The following MTNAP1 variants were observed in gnomAD, a reference collection of about 807,000 sequenced individuals.
MTNAP1 encodes the protein mitochondrial nucleoid-associated protein 1.
At chr17:73,243,086 T>TTTG in the MTNAP1 span, 3 of 987,740 alleles carry the variant, frequency 3.0e-6, no homozygotes, top group Non-Finnish European at 3.0e-6. Flanking sequence ...AATTTTTTTT[T>TTTG]TTTTTTTTTT....
chr17:73,243,144 G>A, the MTNAP1 span: 1 of 717,454 alleles, frequency 1.4e-6, no homozygotes, highest in South Asian at 1.5e-5. Context: ...ATGAGCTATT[G>A]CCTGGGGTTT....
the MTNAP1 span, chr17:73,247,383 A>G: frequency 6.3e-7 from 1 of 1,598,380 alleles, no homozygotes; most frequent in East Asian, 2.2e-5. Flanking sequence ...ACTTCTCTCT[A>G]GTGCCTTCGT....
At chr17:73,242,272 T>C in the MTNAP1 span, 1 of 1,603,416 alleles carries the variant, frequency 6.2e-7, no homozygotes, top group Admixed American at 1.8e-5. Flanking sequence ...GCTCAACTCA[T>C]ATAAGGAGTT....
the MTNAP1 span, chr17:73,243,220 T>C: frequency 3.1e-5 from 17 of 544,040 alleles, no homozygotes; most frequent in East Asian, 6.5e-4. Context: ...AATGGCACGA[T>C]CTCAGCTCAC....
At chr17:73,242,125 A>C in the MTNAP1 span, 1 of 568,972 alleles carries the variant, frequency 1.8e-6, no homozygotes, top group Non-Finnish European at 3.1e-6. Flanking sequence ...GAAATCTTTA[A>C]TGCACCTGTT....
chr17:73,239,317 G>C, the MTNAP1 span, among the ~76,000 whole-genome samples: 9 of 152,068 alleles, frequency 5.9e-5, no homozygotes, highest in Non-Finnish European at 1.0e-4. Context: ...TGTATTTTCT[G>C]TACTACATTT....
chr17:73,242,386 A>C, the MTNAP1 span: 6 of 1,403,590 alleles, frequency 4.3e-6, no homozygotes, highest in Non-Finnish European at 5.8e-6. Context: ...CTTCTGTTGC[A>C]GGTTCTGGGC....
the MTNAP1 span, chr17:73,248,498 A>C: frequency 3.2e-6 from 5 of 1,551,530 alleles, no homozygotes; most frequent in Non-Finnish European, 4.4e-6. Context: ...CAACGCTTAG[A>C]TCTTGCTTCC....
At chr17:73,241,877 C>T in the MTNAP1 span, among the ~76,000 whole-genome samples, 2 of 151,996 alleles carry the variant, frequency 1.3e-5, no homozygotes, top group South Asian at 4.2e-4. Context: ...TGCAGTGAGC[C>T]AAGATCATGC....
At chr17:73,241,333 G>GT in the MTNAP1 span, among the ~76,000 whole-genome samples, 1 of 151,422 alleles carries the variant, frequency 6.6e-6, no homozygotes, top group Non-Finnish European at 1.5e-5. Flanking sequence ...AATTTTTTCT[G>GT]TTTTTTAGTA....
At chr17:73,247,866 T>A in the MTNAP1 span, 1 of 155,338 alleles carries the variant, frequency 6.4e-6, no homozygotes, top group African/African-American at 2.4e-5. Context: ...CTCCACATTC[T>A]GGGATGACTT....
At chr17:73,238,939 T>TC in the MTNAP1 span, among the ~76,000 whole-genome samples, 1 of 120,812 alleles carries the variant, frequency 8.3e-6, no homozygotes, top group African/African-American at 3.1e-5. Context: ...GTGTGTGTTT[T>TC]GTTTTTTTGT....
chr17:73,236,571 C>A, the MTNAP1 span: 5 of 1,614,028 alleles, frequency 3.1e-6, no homozygotes, highest in African/African-American at 1.3e-5. Context: ...AGACGACTTA[C>A]CAGTTTCATT....
the MTNAP1 span, chr17:73,242,110 A>G: frequency 9.4e-6 from 5 of 533,356 alleles, no homozygotes; most frequent in East Asian, 3.2e-5. Context: ...CTGCAGTCCA[A>G]TGCAGAAATC....
the MTNAP1 span, chr17:73,232,510 C>T: frequency 3.5e-5 from 17 of 481,882 alleles, no homozygotes; most frequent in Non-Finnish European, 4.0e-5. Flanking sequence ...AAAGTCAAGC[C>T]AGGTTTCAAA....
the MTNAP1 span, among the ~76,000 whole-genome samples, chr17:73,240,337 T>C: frequency 3.3e-5 from 5 of 152,328 alleles, no homozygotes; most frequent in Middle Eastern, 3.4e-3. Flanking sequence ...TATTATAAAC[T>C]GAAAAACTAT....
chr17:73,235,700 AGAAT>A, the MTNAP1 span: 2 of 1,614,204 alleles, frequency 1.2e-6, no homozygotes, highest in Non-Finnish European at 1.7e-6. Context: ...TTAGAGACAG[AGAAT>A]GAAGAAAGAA....
the MTNAP1 span, among the ~76,000 whole-genome samples, chr17:73,234,073 G>A: frequency 6.6e-6 from 1 of 152,178 alleles, no homozygotes; most frequent in South Asian, 2.1e-4. Context: ...GATATTATCA[G>A]TTGTAGTACT....
the MTNAP1 span, chr17:73,248,414 A>G: frequency 1.5e-5 from 19 of 1,254,532 alleles, no homozygotes; most frequent in Admixed American, 8.1e-5. Context: ...TCTTAAAATC[A>G]TGCTGCAGAA....
Sources: gnomAD v4.1 joint callset for allele counts (sites outside exome capture counted in the v4.1 genomes callset) on GRCh38, gnomAD v4.1.1 for gene constraint, MANE v1.5 for transcripts, NCBI Gene and HGNC (gene_info 2026-07-23, HGNC 2026-07-21) for gene names.